CERK: variants seen among roughly 807,000 people sequenced by gnomAD.
The protein encoded by CERK is ceramide kinase.
A neutral mutation model predicts 63.4 loss-of-function variants in CERK; 39 were observed. The ratio of observed to expected loss-of-function variants is 0.61; its 90% CI spans 0.48 to 0.80. The LOEUF is 0.80. CERK is among the 30% of genes least tolerant of loss of function. The pLI, the probability that CERK is intolerant of heterozygous loss-of-function variation, is 0.00. For synonymous variants in CERK, 302 were observed against 280.0 expected (o/e 1.08, Z -0.78); for missense variants, 670 against 714.1 (o/e 0.94, Z 0.70).
At chr22:46,713,045 C>T (rs1046701248) in intron 3 of CERK, among the ~76,000 whole-genome samples, 5 of 151,876 alleles carry the variant, frequency 3.3e-5, no homozygotes, top group South Asian at 4.2e-4. Flanking sequence ...GGGGTTTCAC[C>T]GTGTTAGCCA....
intron 12 of CERK, among the ~76,000 whole-genome samples, chr22:46,688,175 C>G (rs1338686084): frequency 1.3e-5 from 2 of 152,012 alleles, no homozygotes; most frequent in Non-Finnish European, 2.9e-5. Flanking sequence ...GCAACAAGAG[C>G]AAAACTCTGT....
chr22:46,699,236 G>T, intron 8 of CERK, 77 bp downstream of exon 8: 1 of 1,465,724 alleles, frequency 6.8e-7, no homozygotes, highest in Non-Finnish European at 9.5e-7. Flanking sequence ...GGTGCTCAGT[G>T]GATTCAGTCA....
chr22:46,711,060 A>G (rs763322211), intron 5 of CERK, 26 bp downstream of exon 5: 1 of 1,595,094 alleles, frequency 6.3e-7, no homozygotes, highest in African/African-American at 1.3e-5. Flanking sequence ...AATGGACTTG[A>G]TGGCGATGAA....
At chr22:46,691,056 TACACACACACAC>T (rs141210280) in intron 11 of CERK, among the ~76,000 whole-genome samples, 7 of 147,194 alleles carry the variant, frequency 4.8e-5, no homozygotes, top group Non-Finnish European at 7.5e-5. Context: ...TATACATACA[TACACACACACAC>T]ACACACACAC....
At chr22:46,690,978 T>C (rs1443569699) in intron 11 of CERK, among the ~76,000 whole-genome samples, 3 of 151,012 alleles carry the variant, frequency 2.0e-5, no homozygotes, top group Non-Finnish European at 2.9e-5. Flanking sequence ...TATATGTATG[T>C]ATGTGTGTAT....
chr22:46,701,543 G>A (rs185241163), intron 7 of CERK, 93 bp downstream of exon 7: 22 of 1,089,982 alleles, frequency 2.0e-5, no homozygotes, highest in Admixed American at 2.2e-5. Flanking sequence ...GGACGGCAAC[G>A]GCTGGAACAC....
At chr22:46,726,732 C>A (rs891584713) in intron 1 of CERK, among the ~76,000 whole-genome samples, 13 of 152,166 alleles carry the variant, frequency 8.5e-5, no homozygotes, top group Non-Finnish European at 1.6e-4. Flanking sequence ...CCAGAAATCT[C>A]ACGTGCAGGA....
At chr22:46,735,803 A>C (rs1467455918) in intron 1 of CERK, among the ~76,000 whole-genome samples, 2 of 152,196 alleles carry the variant, frequency 1.3e-5, no homozygotes, top group Non-Finnish European at 2.9e-5. Context: ...CTTCTGCCCT[A>C]CTATGGCCCT....
intron 11 of CERK, 57 bp from the exon 12 acceptor site, chr22:46,690,257 G>A (rs1037329549): frequency 6.9e-7 from 1 of 1,448,392 alleles, no homozygotes; most frequent in Non-Finnish European, 9.6e-7. Context: ...TCTGGGTGGG[G>A]CAGCAGAACA....
At position 46,701,492 on chromosome 22, in the gene CERK, C is replaced by T. The variant is rs1048340469; in HGVS notation, c.790+144G>A. ...CGTGCTGAGTGGGATCACAGCGCAG[C>T]GAGCAGAGCAGGGGACACAGCGTGA... On this transcript the variant is annotated intron_variant, in intron 7 of 12. Transcript: ENST00000216264. 8.7e-5 allele frequency: 56 copies of T among 645,110 alleles called. 1 individual carries two copies. Among genetic ancestry groups the T allele is most frequent in the East Asian group, 7.1e-4 (24 of 33,980 alleles). 40.0% of individuals were successfully genotyped at this position (645,110 alleles called of 1,614,324 possible). A position where few individuals can be genotyped will look rare whatever the true frequency, so the allele number is the denominator to read the frequency against.
intron 1 of CERK, among the ~76,000 whole-genome samples, chr22:46,737,300 AAAAAAAC>A (rs759125942): frequency 0.032 from 4,780 of 149,964 alleles, 106 homozygotes; most frequent in Middle Eastern, 0.062. Context: ...TCAAAAAAAA[AAAAAAAC>A]AAAAAACAAA....
At chr22:46,717,834 A>G (rs2082873488) in intron 3 of CERK, among the ~76,000 whole-genome samples, 1 of 152,230 alleles carries the variant, frequency 6.6e-6, no homozygotes, top group Non-Finnish European at 1.5e-5. Context: ...TAATCCCAGC[A>G]CTTTGGGAGG....
chr22:46,717,571 A>G (rs1601723786), intron 3 of CERK, among the ~76,000 whole-genome samples: 1 of 152,274 alleles, frequency 6.6e-6, no homozygotes, highest in East Asian at 1.9e-4. Flanking sequence ...GCCAGGCACA[A>G]AAGGTTTCAT....
intron 7 of CERK, among the ~76,000 whole-genome samples, chr22:46,700,539 C>A (rs957153034): frequency 2.0e-5 from 3 of 152,130 alleles, no homozygotes; most frequent in Admixed American, 1.3e-4. Context: ...ACAGGGAGAA[C>A]CTGTCTCTAC....
intron 8 of CERK, among the ~76,000 whole-genome samples, chr22:46,697,022 A>G (rs1235454535): frequency 6.6e-6 from 1 of 152,212 alleles, no homozygotes; most frequent in Non-Finnish European, 1.5e-5. Context: ...TTTTCTCGGT[A>G]TTCCCTTTCT....
chr22:46,703,994 A>G (rs977067385), intron 6 of CERK, among the ~76,000 whole-genome samples: 1 of 151,966 alleles, frequency 6.6e-6, no homozygotes, highest in Non-Finnish European at 1.5e-5. Context: ...CTGGACACCC[A>G]TGGAAAGGGG....
At chr22:46,689,856 G>T in intron 12 of CERK, 136 bp downstream of exon 12, 1 of 615,136 alleles carries the variant, frequency 1.6e-6, no homozygotes, top group South Asian at 2.1e-5. Flanking sequence ...GGAGAGAAAA[G>T]TGCATTTATA....
chr22:46,728,075 G>A (rs994005097), intron 1 of CERK, among the ~76,000 whole-genome samples: 1 of 152,144 alleles, frequency 6.6e-6, no homozygotes, highest in Non-Finnish European at 1.5e-5. Context: ...CTGTGTGTGG[G>A]TTCAGGAAAT....
Position 46,728,147 on chromosome 22 carries a change from G to A in CERK, c.143-7132C>T, listed in dbSNP as rs985282393. 3.3e-5 allele frequency among the ~76,000 whole-genome samples: 5 copies of A among 152,114 alleles called. 1 individual carries two copies. The South Asian group carries it at 1.0e-3, about 32-fold the overall frequency. ...CGCAGAACTGAAGTCCATACCAGCT[G>A]GCATCTCAACACAGAACACCCGCCG... On this transcript the variant is annotated intron_variant, in intron 1 of 12. Transcript: ENST00000216264.
Sources: allele counts gnomAD v4.1 joint callset (sites outside exome capture counted in the v4.1 genomes callset), GRCh38; gene constraint gnomAD v4.1.1; transcripts MANE v1.5; gene names NCBI Gene and HGNC (gene_info 2026-07-23, HGNC 2026-07-21).